Variants in SLCO1A2 observed in about 807,000 individuals in gnomAD.
SLCO1A2 encodes solute carrier organic anion transporter family member 1A2.
Under a neutral mutation model 69.0 loss-of-function variants are expected in SLCO1A2, and 67 were observed. That is an observed-to-expected ratio of 0.97 (90% CI 0.80 to 1.19). The LOEUF is 1.19. Among genes scored for constraint, SLCO1A2 ranks in the 50% most tolerant of loss-of-function variants. The probability of loss-of-function intolerance (pLI) is 0.00; values close to 1 mark genes in which losing one functional copy is unlikely to be tolerated. For synonymous variants in SLCO1A2, 260 were observed against 265.9 expected, an observed-to-expected ratio of 0.98 and a Z score of 0.22; for missense variants, 787 against 793.7, an observed-to-expected ratio of 0.99 and a Z score of 0.10.
At chr12:21,316,822 C>A (rs867099016) in intron 3 of SLCO1A2, among the ~76,000 whole-genome samples, 1 of 152,104 alleles carries the variant, frequency 6.6e-6, no homozygotes, top group African/African-American at 2.4e-5. Flanking sequence ...CAGATAGTTC[C>A]CCAGTGCTTC....
At chr12:21,359,707 A>G (rs1304661825) in intron 2 of SLCO1A2, among the ~76,000 whole-genome samples, 4 of 151,652 alleles carry the variant, frequency 2.6e-5, no homozygotes, top group Non-Finnish European at 2.9e-5. Flanking sequence ...AGATCGTGCC[A>G]CTGCACTCCA....
intron 2 of SLCO1A2, among the ~76,000 whole-genome samples, chr12:21,353,574 C>T (rs185310283): frequency 7.9e-5 from 12 of 152,238 alleles, no homozygotes; most frequent in Admixed American, 6.5e-4. Context: ...GATTATATCC[C>T]GTTTGTTCTC....
intron 1 of SLCO1A2, among the ~76,000 whole-genome samples, chr12:21,403,010 A>T (rs941525065): frequency 6.6e-6 from 1 of 152,146 alleles, no homozygotes; most frequent in Non-Finnish European, 1.5e-5. Context: ...AGAGAGAGAG[A>T]CATGTGAAGA....
chr12:21,308,622 A>C (rs188089934), intron 4 of SLCO1A2, among the ~76,000 whole-genome samples: 13 of 152,330 alleles, frequency 8.5e-5, no homozygotes, highest in Admixed American at 7.8e-4. Context: ...TAAGTTAAAA[A>C]AATCTACATA....
chr12:21,321,727 A>G (rs1160394834), intron 2 of SLCO1A2, among the ~76,000 whole-genome samples: 2 of 152,118 alleles, frequency 1.3e-5, no homozygotes, highest in African/African-American at 2.4e-5. Context: ...TCACCTGGTC[A>G]ATATATAATT....
At chr12:21,369,499 T>G (rs1200114313) in intron 2 of SLCO1A2, among the ~76,000 whole-genome samples, 2 of 152,254 alleles carry the variant, frequency 1.3e-5, no homozygotes, top group Non-Finnish European at 2.9e-5. Context: ...AAGTCACTTA[T>G]GTTCTTTGAA....
intron 1 of SLCO1A2, among the ~76,000 whole-genome samples, chr12:21,416,003 T>C (rs1209554345): frequency 6.6e-6 from 1 of 152,170 alleles, no homozygotes; most frequent in African/African-American, 2.4e-5. Flanking sequence ...CTGTGTTCAT[T>C]ATGCAATTAC....
chr12:21,334,657 C>G lies in SLCO1A2; in HGVS notation c.-10G>C. On this transcript the variant is annotated 5_prime_UTR_variant, in exon 2 of 15. Coordinates refer to ENST00000683939, the MANE Select transcript of SLCO1A2 (RefSeq NM_001386879.1). ...TCTCAGTTTCTCCCATGTTGCTCTT[C>G]AGGGTGTTCCAAGCTATTTATGTTT... The G allele has an allele frequency of 6.2e-7, 1 of 1,606,470 alleles. No homozygotes were observed. The highest frequency in any genetic ancestry group is 8.5e-7 in the Non-Finnish European group (1 of 1,175,906).
At chr12:21,313,098 A>C (rs1223222601) in intron 4 of SLCO1A2, among the ~76,000 whole-genome samples, 4 of 152,132 alleles carry the variant, frequency 2.6e-5, no homozygotes, top group Non-Finnish European at 5.9e-5. Flanking sequence ...TACATAAATA[A>C]ATAAATCACC....
At chr12:21,295,875 T>A in intron 9 of SLCO1A2, 83 bp from the exon 10 acceptor site, 1 of 718,708 alleles carries the variant, frequency 1.4e-6, no homozygotes, top group East Asian at 2.7e-5. Context: ...ATATGCCTTA[T>A]ATAAGTAACT....
chr12:21,415,112 A>AT (rs1407093748), intron 1 of SLCO1A2, among the ~76,000 whole-genome samples: 1 of 151,736 alleles, frequency 6.6e-6, no homozygotes, highest in African/African-American at 2.4e-5. Flanking sequence ...GTCTAATCTT[A>AT]TTTTCTTTAA....
intron 2 of SLCO1A2, among the ~76,000 whole-genome samples, chr12:21,328,760 G>T (rs11830939): frequency 0.048 from 7,357 of 152,088 alleles, 581 homozygotes; most frequent in African/African-American, 0.16. Flanking sequence ...AGTTTCCCCT[G>T]AACTAGTCCC....
In SLCO1A2 at chr12:21,358,628, A is replaced by G. The variant is rs1938563970; in HGVS notation, c.-63+15771T>C. On this transcript the variant is annotated intron_variant, in intron 2 of 15. Transcript: ENST00000307378. The stretch of plus-strand genomic sequence containing the variant: ...TTTTATCACTAGTTAATACTTTTCA[A>G]TTTTTAGTTCCTTTTTAATTTTTTA... Among the ~76,000 whole-genome samples, 6 of 152,244 alleles carry G rather than the reference A, an allele frequency of 3.9e-5. No individual in the cohort carries two copies. In the South Asian group the frequency reaches 1.2e-3, roughly 32 times the overall value.
intron 2 of SLCO1A2, among the ~76,000 whole-genome samples, chr12:21,325,082 T>G (rs1175417090): frequency 1.3e-5 from 2 of 152,174 alleles, no homozygotes; most frequent in Non-Finnish European, 2.9e-5. Context: ...TCTTTTACCA[T>G]AAGCCCTAAT....
At position 21,297,562 on chromosome 12, in the gene SLCO1A2, A is replaced by G; in HGVS notation, c.917T>C (p.Leu306Pro). The G allele has an allele frequency of 6.4e-7, 1 of 1,565,928 alleles. No individual in the cohort carries two copies. The highest frequency in any genetic ancestry group is 8.7e-7 in the Non-Finnish European group (1 of 1,147,824). The stretch of plus-strand genomic sequence containing the variant: ...GCAGGAAAGACTTTTCATGAAAGGT[A>G]GAAAATCTGAAATGAAAGAATGACA... ...KEKYGITKDF[L>P]PFMKSLSCNP... is the part of the protein sequence containing the mutation. The change falls in exon 9 of 15, where the codon CTA (leucine) becomes CCA (proline). Residue 306 changes from leucine to proline, a missense_variant. Coordinates refer to ENST00000683939, the MANE Select transcript of SLCO1A2 (RefSeq NM_001386879.1).
Position 21,294,035 on chromosome 12 carries a change from T to A in SLCO1A2, c.1347A>T (p.Ile449=), listed in dbSNP as rs139230533. The A allele has an allele frequency of 1.2e-6, 2 of 1,612,244 alleles. No homozygotes were observed. Among genetic ancestry groups the A allele is most frequent in the African/African-American group, 1.3e-5 (1 of 74,922 alleles). The change falls in exon 11 of 15, where the codon ATA becomes ATT. Residue 449 remains isoleucine (I), a synonymous_variant. Coordinates refer to ENST00000683939, the MANE Select transcript of SLCO1A2 (RefSeq NM_001386879.1). ...CNVDCNCPSK[I]WDPVCGNNGL... is the part of the protein sequence containing the mutation. ...CATTGTTTCCACACACAGGATCCCATATTTTAGATGGACAGTTGCAATCCA... is the reference window on the plus strand; with the variant it reads ...CATTGTTTCCACACACAGGATCCCAAATTTTAGATGGACAGTTGCAATCCA...
intron 4 of SLCO1A2, among the ~76,000 whole-genome samples, chr12:21,313,583 GCACCTATA>G (rs1950486904): frequency 6.6e-6 from 1 of 152,090 alleles, no homozygotes; most frequent in African/African-American, 2.4e-5. Context: ...GTAGTGGCAT[GCACCTATA>G]ATCCCAGCTA....
intron 9 of SLCO1A2, 93 bp from the exon 10 acceptor site, chr12:21,295,885 T>C: frequency 1.5e-6 from 1 of 674,330 alleles, no homozygotes; most frequent in Non-Finnish European, 2.5e-6. Flanking sequence ...TATAAGTAAC[T>C]ATTTAGGTCC....
chr12:21,407,185 T>C (rs1252742153), intron 1 of SLCO1A2, among the ~76,000 whole-genome samples: 1 of 151,982 alleles, frequency 6.6e-6, no homozygotes, highest in African/African-American at 2.4e-5. Flanking sequence ...ATGCTTGAAA[T>C]GAAATTCAAA....
Sources: gnomAD v4.1 joint callset for allele counts (sites outside exome capture counted in the v4.1 genomes callset) on GRCh38, gnomAD v4.1.1 for gene constraint, MANE v1.5 for transcripts, NCBI Gene and HGNC (gene_info 2026-07-23, HGNC 2026-07-21) for gene names.